The following CTNNA3 variants were observed in gnomAD, a reference collection of about 807,000 sequenced individuals.
The protein encoded by CTNNA3 is catenin alpha 3.
A neutral mutation model predicts 95.7 loss-of-function variants in CTNNA3; 76 were observed. The ratio of observed to expected loss-of-function variants is 0.79; its 90% confidence interval spans 0.66 to 0.96. The LOEUF (loss-of-function observed/expected upper bound fraction) is 0.96, where lower values mean the gene tolerates loss of function less well. CTNNA3 is among the 40% of genes least tolerant of loss of function. The pLI is 0.00. For synonymous variants in CTNNA3, 431 were observed against 374.4 expected (o/e 1.15, Z -1.74); for missense variants, 1,191 against 1,089.8 (o/e 1.09, Z -1.31).
intron 7 of CTNNA3, among the ~76,000 whole-genome samples, chr10:67,072,768 A>G (rs972854771): frequency 6.6e-6 from 1 of 152,170 alleles, no homozygotes; most frequent in Non-Finnish European, 1.5e-5. Context: ...AACAGCTACA[A>G]AATTTGGTAA....
At chr10:66,306,737 A>G (rs1053533295) in intron 12 of CTNNA3, among the ~76,000 whole-genome samples, 17 of 152,192 alleles carry the variant, frequency 1.1e-4, no homozygotes, top group African/African-American at 4.1e-4. Flanking sequence ...ACAGATAGCA[A>G]TATTTGGTTC....
chr10:67,261,951 C>A (rs1033279044), intron 5 of CTNNA3, among the ~76,000 whole-genome samples: 2 of 152,038 alleles, frequency 1.3e-5, no homozygotes, highest in African/African-American at 4.8e-5. Flanking sequence ...AATACTAACA[C>A]AAATGTAGCA....
chr10:66,671,219 T>C (rs7911925), intron 9 of CTNNA3, among the ~76,000 whole-genome samples: 134,518 of 152,190 alleles, frequency 0.88, 59,591 homozygotes, highest in East Asian at 1. Flanking sequence ...ATAAAATATG[T>C]TATAAGAGCA....
intron 14 of CTNNA3, among the ~76,000 whole-genome samples, chr10:66,099,848 TATC>T (rs1392181812): frequency 6.6e-6 from 1 of 152,132 alleles, no homozygotes; most frequent in Admixed American, 6.6e-5. Context: ...GTAAAGGACT[TATC>T]ATAACTTTAT....
chr10:67,228,272 C>A (rs915893113), intron 5 of CTNNA3, among the ~76,000 whole-genome samples: 3 of 152,126 alleles, frequency 2.0e-5, no homozygotes, highest in African/African-American at 7.2e-5. Flanking sequence ...AATTGGTTAG[C>A]AAGACTAACC....
At chr10:66,083,599 A>T (rs530069102) in intron 14 of CTNNA3, among the ~76,000 whole-genome samples, 1 of 152,340 alleles carries the variant, frequency 6.6e-6, no homozygotes, top group South Asian at 2.1e-4. Flanking sequence ...TGAAAGGCAG[A>T]CAGATGCAGA....
chr10:65,988,148 G>A (rs1185771479), intron 16 of CTNNA3, among the ~76,000 whole-genome samples: 2 of 152,122 alleles, frequency 1.3e-5, no homozygotes, highest in East Asian at 1.9e-4. Context: ...ATAATTTATT[G>A]TGTATTTAAA....
chr10:67,152,940 G>C (rs1229232548), intron 7 of CTNNA3, among the ~76,000 whole-genome samples: 1 of 151,688 alleles, frequency 6.6e-6, no homozygotes, highest in Non-Finnish European at 1.5e-5. Context: ...TATATTACCA[G>C]TTTTCAATTC....
At chr10:66,004,590 T>C (rs763044074) in intron 15 of CTNNA3, among the ~76,000 whole-genome samples, 1 of 152,042 alleles carries the variant, frequency 6.6e-6, no homozygotes, top group South Asian at 2.1e-4. Context: ...CTAGTGAAAA[T>C]TGTGGTTTCT....
chr10:66,171,772 T>C (rs999307615), intron 13 of CTNNA3, among the ~76,000 whole-genome samples: 2 of 151,974 alleles, frequency 1.3e-5, no homozygotes, highest in African/African-American at 4.8e-5. Flanking sequence ...TTGCAGGTGG[T>C]GTGATGAAGA....
In CTNNA3 at chr10:67,377,454, C is replaced by T. The variant is rs1843736765; in HGVS notation, c.579+144388G>A. Among the ~76,000 whole-genome samples the T allele has an allele frequency of 2.0e-5, 3 of 152,112 alleles. No homozygotes were observed. The South Asian group carries it at 6.2e-4, about 32-fold the overall frequency. On this transcript the variant is annotated intron_variant, in intron 5 of 17. Coordinates refer to ENST00000433211, the MANE Select transcript of CTNNA3 (RefSeq NM_013266.4). ...CTATGAAGTACTTTTCTATTATAAA[C>T]TTGAATTTCTCATCCTAATACTTTC...
chr10:66,898,903 A>T (rs1845609292), intron 7 of CTNNA3, among the ~76,000 whole-genome samples: 1 of 152,230 alleles, frequency 6.6e-6, no homozygotes, highest in African/African-American at 2.4e-5. Flanking sequence ...CTGCAAAGAA[A>T]ACAATAAACA....
chr10:66,402,457 A>G (rs1186600128), intron 11 of CTNNA3, among the ~76,000 whole-genome samples: 1 of 152,192 alleles, frequency 6.6e-6, no homozygotes, highest in Non-Finnish European at 1.5e-5. Context: ...AATATCATAC[A>G]TTGGCTTTTT....
intron 5 of CTNNA3, among the ~76,000 whole-genome samples, chr10:67,462,027 C>A (rs1441538778): frequency 6.6e-6 from 1 of 152,112 alleles, no homozygotes; most frequent in Non-Finnish European, 1.5e-5. Context: ...TTGTAGTCAC[C>A]AGTTTTGTAG....
At chr10:67,028,085 G>T (rs947171750) in intron 7 of CTNNA3, among the ~76,000 whole-genome samples, 2 of 152,114 alleles carry the variant, frequency 1.3e-5, no homozygotes, top group East Asian at 3.9e-4. Context: ...TGCTATATTC[G>T]TTTATTCTTC....
At chr10:66,539,456 A>G (rs1428370862) in intron 10 of CTNNA3, among the ~76,000 whole-genome samples, 1 of 152,158 alleles carries the variant, frequency 6.6e-6, no homozygotes, top group East Asian at 1.9e-4. Flanking sequence ...TGGGAAGATA[A>G]GCTCATACTG....
At chr10:66,597,067 T>C (rs1388327653) in intron 10 of CTNNA3, among the ~76,000 whole-genome samples, 1 of 151,808 alleles carries the variant, frequency 6.6e-6, no homozygotes, top group African/African-American at 2.4e-5. Context: ...TAAGCTTCAA[T>C]AGCAGACTCA....
At chr10:66,616,338 T>C (rs1388400891) in intron 10 of CTNNA3, among the ~76,000 whole-genome samples, 2 of 152,176 alleles carry the variant, frequency 1.3e-5, no homozygotes, top group South Asian at 2.1e-4. Context: ...GTTAAAAAAC[T>C]CTTCTCTATA....
chr10:67,642,834 A>T (rs187347280), intron 2 of CTNNA3, among the ~76,000 whole-genome samples: 1 of 152,206 alleles, frequency 6.6e-6, no homozygotes, highest in Non-Finnish European at 1.5e-5. Context: ...GATGCTGACA[A>T]GGTTGCAGAG....
Sources: allele counts gnomAD v4.1 joint callset (sites outside exome capture counted in the v4.1 genomes callset), GRCh38; gene constraint gnomAD v4.1.1; transcripts MANE v1.5; gene names NCBI Gene and HGNC (gene_info 2026-07-23, HGNC 2026-07-21).